Variants in PHF12 observed in about 807,000 individuals in gnomAD.
PHF12 encodes PHD finger protein 12, also known as PHD factor 1.
PHF12 carries 6 observed loss-of-function variants against 99.8 expected under a neutral mutation model. The ratio of observed to expected loss-of-function variants is 0.06; its 90% CI spans 0.03 to 0.12. PHF12 has a LOEUF of 0.12. PHF12 is among the 10% of genes least tolerant of loss of function. PHF12 has a pLI of 1.00. For synonymous variants in PHF12, 480 were observed against 514.9 expected (o/e 0.93, Z 0.92); for missense variants, 954 against 1,300.1 (o/e 0.73, Z 4.09).
chr17:28,926,639 G>C, intron 3 of PHF12: 1 of 531,142 alleles, frequency 1.9e-6, no homozygotes. Context: ...GCCCTGGGGT[G>C]AGAGAAAACT....
chr17:28,907,188 C>T (rs765180233), intron 13 of PHF12, 194 bp from the exon 14 acceptor site: 2 of 594,442 alleles, frequency 3.4e-6, no homozygotes, highest in East Asian at 5.8e-5. Flanking sequence ...TGGTGTCCCA[C>T]ACTCCCTACT....
chr17:28,914,671 C>CAAAAAAAAAAAAAAAAAA (rs61203588), intron 7 of PHF12, among the ~76,000 whole-genome samples: 1 of 30,346 alleles, frequency 3.3e-5, no homozygotes, highest in African/African-American at 9.5e-5. Context: ...GACTCCGTCT[C>CAAAAAAAAAAAAAAAAAA]AAAAAAAAAA....
chr17:28,930,719 C>G (rs2040383907), intron 2 of PHF12, among the ~76,000 whole-genome samples: 1 of 152,198 alleles, frequency 6.6e-6, no homozygotes, highest in African/African-American at 2.4e-5. Context: ...TTAAGAGGCT[C>G]TCAGAAGTAG....
intron 9 of PHF12, 92 bp from the exon 10 acceptor site, chr17:28,911,329 C>A (rs1456230936): frequency 2.0e-6 from 3 of 1,530,474 alleles, no homozygotes; most frequent in Non-Finnish European, 8.9e-7. Context: ...GGATTTCGGA[C>A]CCAAGGTGAT....
rs1028464694 is a variant in PHF12, at chr17:28,951,387, T to TG, written c.-428dup. 39 of 908,784 alleles carry TG rather than the reference T, an allele frequency of 4.3e-5. No homozygotes were observed. Among genetic ancestry groups the TG allele is most frequent in the African/African-American group, 3.2e-4 (17 of 52,328 alleles). The allele number at this position is 908,784 out of a possible 1,614,324, so 56.3% of individuals were successfully genotyped here. Reference sequence around the variant, plus strand: ...CGTGAGGTGACTGGGGGGAGGGTGATGGGGGGTGGTCCCCGGGCTCCGCCT... The same window carrying TG: ...CGTGAGGTGACTGGGGGGAGGGTGATGGGGGGGTGGTCCCCGGGCTCCGCCT... On this transcript the variant is annotated 5_prime_UTR_variant, in exon 1 of 15. Transcript: ENST00000332830.
chr17:28,933,320 G>C (rs2040449029), intron 2 of PHF12, among the ~76,000 whole-genome samples: 2 of 152,208 alleles, frequency 1.3e-5, no homozygotes. Context: ...AGGTATTACA[G>C]TTCACAAAGT....
At position 28,917,382 on chromosome 17, in the gene PHF12, G is replaced by A. The variant is rs1252848912; in HGVS notation, c.1037C>T (p.Ser346Leu). The A allele has an allele frequency of 3.1e-6, 5 of 1,614,064 alleles. No individual in the cohort carries two copies. The highest frequency in any genetic ancestry group is 4.2e-6 in the Non-Finnish European group (5 of 1,179,996). Residue 346 changes from serine (S) to leucine (L), a missense_variant, in exon 7 of 15, where the codon TCG (serine) becomes TTG (leucine). Physicochemically the swap from Ser to Leu is moderately radical, Grantham distance 145. This residue lies in a region of PHF12 where 85 missense variants were observed against 196.6 expected (regional missense o/e 0.43). Transcript: ENST00000332830. ...GAAGTCCACTTTGACGACATGCTGC[G>A]AAACGGTGTCCTGGAAACGATCAAA... is the stretch of plus-strand genomic sequence containing the variant. ...QVFDRFQDTVSQHVVKVDFLN... is the reference protein window; with the variant it reads ...QVFDRFQDTVLQHVVKVDFLN...
chr17:28,908,997 C>T (rs2039916089), intron 11 of PHF12, 116 bp from the exon 12 acceptor site: 1 of 939,446 alleles, frequency 1.1e-6, no homozygotes, highest in East Asian at 2.6e-5. Context: ...CGCTGGATGA[C>T]TCATCTTTCC....
intron 7 of PHF12, among the ~76,000 whole-genome samples, chr17:28,914,443 C>T (rs189352779): frequency 4.0e-5 from 6 of 151,772 alleles, no homozygotes; most frequent in Admixed American, 6.6e-5. Context: ...GAGGCCGAGG[C>T]GGGAGGATCA....
chr17:28,917,599 G>T, intron 6 of PHF12, 150 bp from the exon 7 acceptor site: 1 of 822,144 alleles, frequency 1.2e-6, no homozygotes, highest in Non-Finnish European at 1.9e-6. Flanking sequence ...CTTTGTCAGA[G>T]AGCAAGGGAA....
At chr17:28,933,638 C>T (rs6505098) in intron 2 of PHF12, among the ~76,000 whole-genome samples, 7 of 152,086 alleles carry the variant, frequency 4.6e-5, no homozygotes, top group East Asian at 3.9e-4. Context: ...CTCAAGGCTG[C>T]GCATTTCCTT....
At position 28,933,613 on chromosome 17, in the gene PHF12, G is replaced by T. The variant is rs530014731; in HGVS notation, c.249-6550C>A. On this transcript the variant is annotated intron_variant, in intron 2 of 14. Coordinates refer to ENST00000332830, the MANE Select transcript of PHF12 (RefSeq NM_001033561.2). ...GGGTACACAGTGAAATATCCATCAG[G>T]GTACCCTCCTTAACCTCAAGGCTGC... Among the ~76,000 whole-genome samples the T allele has an allele frequency of 2.0e-5, 3 of 152,146 alleles. No individual in the cohort carries two copies. In the South Asian group the frequency reaches 6.2e-4, roughly 32 times the overall value.
rs142044747 is a variant in PHF12, at chr17:28,919,095, C to T, written c.969+48G>A. 821 of 1,582,068 alleles carry T rather than the reference C, an allele frequency of 5.2e-4. 3 individuals carry two copies. The African/African-American group carries it at 8.4e-3, about 16-fold the overall frequency. On this transcript the variant is annotated intron_variant, in intron 6 of 14. Transcript: ENST00000332830. Reference sequence around the variant, plus strand: ...AATATGCTTTCTGCTAATCAGTCCACGCTCCAGCTATGCCCATTGAGGACT... The same window carrying T: ...AATATGCTTTCTGCTAATCAGTCCATGCTCCAGCTATGCCCATTGAGGACT...
intron 2 of PHF12, among the ~76,000 whole-genome samples, chr17:28,930,984 A>C (rs530518531): frequency 5.3e-5 from 8 of 152,308 alleles, no homozygotes; most frequent in Non-Finnish European, 1.0e-4. Flanking sequence ...AGGTGAGAGG[A>C]TCACTTGAGC....
In PHF12 at chr17:28,950,058, A is replaced by G; in HGVS notation, c.248+7T>C. ...CAAGAAGCTCCAAAAGGGTCCCCAG[A>G]CCTTACCAGCACTGGAGGTGGAAGG... On this transcript the variant is annotated splice_region_variant and intron_variant, in intron 2 of 14. Coordinates refer to ENST00000332830, the MANE Select transcript of PHF12 (RefSeq NM_001033561.2). The surrounding 1 kb of genome is among the most constrained non-coding windows in gnomAD (Gnocchi z 5.7). The G allele has an allele frequency of 6.2e-7, 1 of 1,608,188 alleles. No individual in the cohort carries two copies. Among genetic ancestry groups the G allele is most frequent in the South Asian group, 1.1e-5 (1 of 90,690 alleles).
In PHF12 at chr17:28,949,855, C is replaced by G; in HGVS notation, c.248+210G>C. The stretch of plus-strand genomic sequence containing the variant: ...TCTCTTCACTCGTCCCAACCCCCAC[C>G]TCGGGGTCCGGACCCACCGCTGCTC... On this transcript the variant is annotated intron_variant, in intron 2 of 14. Coordinates refer to ENST00000332830, the MANE Select transcript of PHF12 (RefSeq NM_001033561.2). This position sits in a 1 kb window ranked among gnomAD's most constrained non-coding sequence, Gnocchi z 4.6. The G allele has an allele frequency of 1.8e-6, 1 of 569,792 alleles. No homozygotes were observed. The allele number at this position is 569,792 out of a possible 1,614,324, so 35.3% of individuals were successfully genotyped here.
chr17:28,906,744 T>C lies in PHF12; in HGVS notation c.2680+112A>G, dbSNP rs543541995. 2.4e-4 allele frequency: 348 copies of C among 1,451,348 alleles called. No homozygotes were observed. Among genetic ancestry groups the C allele is most frequent in the Non-Finnish European group, 3.1e-4 (338 of 1,076,408 alleles). 89.9% of individuals were successfully genotyped at this position (1,451,348 alleles called of 1,614,324 possible). ...GGCCTGCCCTGGGCCCACGAGGAAG[T>C]AGAGCTTGGCCAATAGGACTGGGAA... On this transcript the variant is annotated intron_variant, in intron 14 of 14. Coordinates refer to ENST00000332830, the MANE Select transcript of PHF12 (RefSeq NM_001033561.2). The surrounding 1 kb of genome is among the most constrained non-coding windows in gnomAD (Gnocchi z 4.2).
intron 8 of PHF12, 103 bp downstream of exon 8, chr17:28,913,776 G>A: frequency 6.8e-7 from 1 of 1,460,126 alleles, no homozygotes; most frequent in Non-Finnish European, 9.3e-7. Context: ...GATGAGGGTG[G>A]GTGGGGACTG....
At chr17:28,929,808 G>A (rs947209111) in intron 2 of PHF12, 1 of 152,122 alleles carries the variant, frequency 6.6e-6, no homozygotes, top group Non-Finnish European at 1.5e-5. Context: ...AGGACCACAG[G>A]TGAATGTCAC....
Sources: gnomAD v4.1 joint callset for allele counts (sites outside exome capture counted in the v4.1 genomes callset) on GRCh38, gnomAD v4.1.1 for gene constraint, gnomAD v4.1.1 regional missense constraint, Gnocchi (gnomAD v3.1) non-coding constraint, MANE v1.5 for transcripts, NCBI Gene and HGNC (gene_info 2026-07-23, HGNC 2026-07-21) for gene names.